TP63: variants seen among roughly 807,000 people sequenced by gnomAD.
The protein encoded by TP63 is tumor protein 63.
Under a neutral mutation model 82.8 loss-of-function variants are expected in TP63, and 17 were observed. The ratio of observed to expected loss-of-function variants is 0.21; its 90% CI spans 0.14 to 0.31. TP63 has a LOEUF of 0.31. TP63 is among the 10% of genes least tolerant of loss of function. TP63 has a pLI of 1.00. For synonymous variants in TP63, 330 were observed against 321.7 expected, an observed-to-expected ratio of 1.03 and a Z score of -0.28; for missense variants, 648 against 895.3, an observed-to-expected ratio of 0.72 and a Z score of 3.52.
chr3:189,817,337 A>T (rs974626523), intron 4 of TP63, among the ~76,000 whole-genome samples: 25 of 152,196 alleles, frequency 1.6e-4, no homozygotes, highest in African/African-American at 5.8e-4. Flanking sequence ...TTGAGAAGAC[A>T]TCTGACAGGC....
chr3:189,842,426 C>G (rs1014005667), intron 4 of TP63, among the ~76,000 whole-genome samples: 1 of 152,174 alleles, frequency 6.6e-6, no homozygotes, highest in African/African-American at 2.4e-5. Context: ...GATATTTTCT[C>G]TGGGTCTCTC....
At chr3:189,694,261 C>T (rs1717168729) in intron 1 of TP63, among the ~76,000 whole-genome samples, 1 of 152,182 alleles carries the variant, frequency 6.6e-6, no homozygotes, top group African/African-American at 2.4e-5. Flanking sequence ...CCAGTTTTTC[C>T]TATCACTAAC....
chr3:189,675,440 A>G (rs1461311169), intron 1 of TP63, among the ~76,000 whole-genome samples: 1 of 152,156 alleles, frequency 6.6e-6, no homozygotes, highest in Non-Finnish European at 1.5e-5. Flanking sequence ...AGGTCAAAAA[A>G]TTTAGATTGC....
chr3:189,816,779 A>G (rs1728228805), intron 4 of TP63, among the ~76,000 whole-genome samples: 1 of 152,198 alleles, frequency 6.6e-6, no homozygotes. Context: ...TGAGGCACAC[A>G]GAGGCGTAAA....
intron 1 of TP63, among the ~76,000 whole-genome samples, chr3:189,646,751 C>G (rs1048335083): frequency 6.8e-6 from 1 of 146,638 alleles, no homozygotes; most frequent in African/African-American, 2.6e-5. Flanking sequence ...AAAACAAAGT[C>G]GAAAATAAAA....
At position 189,647,634 on chromosome 3, in the gene TP63, C is replaced by T. The variant is rs1286482434; in HGVS notation, c.62+16057C>T. On this transcript the variant is annotated intron_variant, in intron 1 of 13. Coordinates refer to ENST00000264731, the MANE Select transcript of TP63 (RefSeq NM_003722.5). ...TCAGGAAACCTGACATCCCTTTTTT[C>T]AGTTACGTCATGCTATAAGATACGC... is the stretch of plus-strand genomic sequence containing the variant. 3.4e-5 allele frequency among the ~76,000 whole-genome samples: 5 copies of T among 146,042 alleles called. 1 individual carries two copies. The highest frequency in any genetic ancestry group is 7.7e-5 in the African/African-American group (3 of 38,816).
intron 3 of TP63, among the ~76,000 whole-genome samples, chr3:189,806,016 C>T (rs1307124780): frequency 6.6e-6 from 1 of 151,184 alleles, no homozygotes; most frequent in African/African-American, 2.4e-5. Context: ...TCAGAACCCA[C>T]CCAATAAACA....
chr3:189,889,589 G>T, intron 12 of TP63, 105 bp downstream of exon 12: 1 of 1,508,008 alleles, frequency 6.6e-7, no homozygotes, highest in Non-Finnish European at 9.2e-7. Flanking sequence ...GAAGACAGCA[G>T]TCCTGTGGTT....
intron 3 of TP63, among the ~76,000 whole-genome samples, chr3:189,753,014 A>G (rs184733869): frequency 6.4e-4 from 98 of 152,210 alleles, no homozygotes; most frequent in Middle Eastern, 6.8e-3. Flanking sequence ...TATACTTTGT[A>G]TGATTTCAAA....
Position 189,894,748 on chromosome 3 carries a change from C to CA in TP63, c.*252dup. ...GCTGCCATGGCTAGGTAGAAGTGAG[C>CA]AAAAAAGAGTTGGGTGTCTCCTTAA... On this transcript the variant is annotated 3_prime_UTR_variant, in exon 14 of 14. Transcript: ENST00000264731. 2 of 528,860 alleles carry CA rather than the reference C, an allele frequency of 3.8e-6. No homozygotes were observed. Among genetic ancestry groups the CA allele is most frequent in the Non-Finnish European group, 3.4e-6 (1 of 295,860 alleles). 32.8% of individuals were successfully genotyped at this position (528,860 alleles called of 1,614,324 possible).
intron 3 of TP63, among the ~76,000 whole-genome samples, chr3:189,777,917 T>A (rs1409074775): frequency 2.2e-5 from 3 of 135,970 alleles, no homozygotes; most frequent in Non-Finnish European, 4.6e-5. Flanking sequence ...GTACAGTGGC[T>A]GGATCTCAGC....
At chr3:189,888,015 C>A (rs1480120406) in intron 11 of TP63, among the ~76,000 whole-genome samples, 1 of 152,070 alleles carries the variant, frequency 6.6e-6, no homozygotes, top group Non-Finnish European at 1.5e-5. Context: ...CACCACCACG[C>A]CCGGCTAATT....
rs994264428 is a variant in TP63 at position 189,733,558 on chromosome 3, G to A, written c.63-4182G>A. Among the ~76,000 whole-genome samples, 4 of 152,152 alleles carry A rather than the reference G, an allele frequency of 2.6e-5. No individual in the cohort carries two copies. The East Asian group carries it at 7.7e-4, about 29-fold the overall frequency. ...ATGTTGGGGATGTCCTTATGGGTCC[G>A]TGTATATGACCACTCATATGGGAGT... On this transcript the variant is annotated intron_variant, in intron 1 of 13. Coordinates refer to ENST00000264731, the MANE Select transcript of TP63 (RefSeq NM_003722.5).
At chr3:189,730,120 G>A (rs1369719136) in intron 1 of TP63, among the ~76,000 whole-genome samples, 1 of 152,204 alleles carries the variant, frequency 6.6e-6, no homozygotes, top group African/African-American at 2.4e-5. Context: ...AAATTGGATG[G>A]ATGGATAGGT....
intron 3 of TP63, among the ~76,000 whole-genome samples, chr3:189,770,020 G>T (rs549579703): frequency 5.3e-5 from 8 of 152,248 alleles, no homozygotes; most frequent in African/African-American, 7.2e-5. Context: ...ATACGTTTTT[G>T]TGTGTTAAAC....
At chr3:189,809,860 A>G (rs1560206605) in intron 4 of TP63, among the ~76,000 whole-genome samples, 1 of 152,200 alleles carries the variant, frequency 6.6e-6, no homozygotes, top group Non-Finnish European at 1.5e-5. Flanking sequence ...TAGTGAGGAA[A>G]GCTGAAGAAG....
At chr3:189,618,872 T>C in the TP63 span, among the ~76,000 whole-genome samples, 1 of 152,128 alleles carries the variant, frequency 6.6e-6, no homozygotes, top group Non-Finnish European at 1.5e-5. Context: ...GGGAAACCCA[T>C]GAAATTTCTC....
chr3:189,858,126 C>CACAGTAGAATA (rs148636152), intron 4 of TP63, among the ~76,000 whole-genome samples: 2 of 148,174 alleles, frequency 1.3e-5, no homozygotes, highest in South Asian at 2.1e-4. Context: ...TGTGTATAGG[C>CACAGTAGAATA]CGGGCGCGGT....
intron 3 of TP63, among the ~76,000 whole-genome samples, chr3:189,756,855 A>G (rs1404991287): frequency 6.6e-6 from 1 of 152,200 alleles, no homozygotes; most frequent in African/African-American, 2.4e-5. Flanking sequence ...GACTGTATGC[A>G]TTAGGAATGA....
Sources: gnomAD v4.1 joint callset for allele counts (sites outside exome capture counted in the v4.1 genomes callset) on GRCh38, gnomAD v4.1.1 for gene constraint, MANE v1.5 for transcripts, NCBI Gene and HGNC (gene_info 2026-07-23, HGNC 2026-07-21) for gene names.